Variants in TENM3 observed in about 807,000 individuals in gnomAD.
TENM3 encodes teneurin transmembrane protein 3, also known as teneurin-3.
Under a neutral mutation model 255.1 loss-of-function variants are expected in TENM3, and 63 were observed. The observed-to-expected ratio is 0.25, with a 90% confidence interval of 0.20 to 0.30. The LOEUF is 0.30. Ranked by LOEUF, TENM3 falls within the 10% of genes least tolerant of loss-of-function variation. The pLI is 1.00. For synonymous variants in TENM3, 1,306 were observed against 1,322.3 expected (o/e 0.99, Z 0.27); for missense variants, 2,929 against 3,461.1 (o/e 0.85, Z 3.86).
At chr4:182,767,185 AACC>A (rs1763787541) in intron 22 of TENM3, among the ~76,000 whole-genome samples, 1 of 152,174 alleles carries the variant, frequency 6.6e-6, no homozygotes, top group African/African-American at 2.4e-5. Context: ...AAAATACATA[AACC>A]ATAGGTTCCT....
chr4:182,188,754 A>C (rs1753326935), intron 1 of TENM3, among the ~76,000 whole-genome samples: 1 of 152,136 alleles, frequency 6.6e-6, no homozygotes, highest in Non-Finnish European at 1.5e-5. Context: ...TGAGTCCTCT[A>C]CTCACTAGAG....
the TENM3 span, among the ~76,000 whole-genome samples, chr4:181,873,404 A>T: frequency 6.6e-6 from 1 of 152,102 alleles, no homozygotes; most frequent in African/African-American, 2.4e-5. Context: ...ATTTTCCTTG[A>T]ATCTCTGCTT....
intron 3 of TENM3, among the ~76,000 whole-genome samples, chr4:182,359,932 G>A (rs1221844939): frequency 7.3e-5 from 11 of 151,062 alleles, no homozygotes; most frequent in South Asian, 4.3e-4. Context: ...CTTTGTTCTC[G>A]TTGGTTTCAA....
the TENM3 span, among the ~76,000 whole-genome samples, chr4:181,755,731 T>C: frequency 1.3e-5 from 2 of 152,068 alleles, no homozygotes; most frequent in East Asian, 1.9e-4. Flanking sequence ...GTAATGCTGC[T>C]CTCCTGCCTT....
At chr4:182,614,333 C>T (rs1310402744) in intron 4 of TENM3, among the ~76,000 whole-genome samples, 1 of 151,976 alleles carries the variant, frequency 6.6e-6, no homozygotes, top group Non-Finnish European at 1.5e-5. Context: ...AAGAATCAAT[C>T]CATTTTGAAC....
intron 3 of TENM3, among the ~76,000 whole-genome samples, chr4:182,472,720 T>C (rs1055898294): frequency 7.4e-6 from 1 of 135,222 alleles, no homozygotes; most frequent in Non-Finnish European, 1.6e-5. Flanking sequence ...TAAATTGTTA[T>C]ATCACAATTT....
chr4:181,453,537 G>C, the TENM3 span, among the ~76,000 whole-genome samples: 1 of 149,458 alleles, frequency 6.7e-6, no homozygotes, highest in African/African-American at 2.4e-5. Flanking sequence ...AACTCTTAAC[G>C]AAGAGTCATG....
chr4:181,707,186 G>T, the TENM3 span, among the ~76,000 whole-genome samples: 5 of 152,162 alleles, frequency 3.3e-5, no homozygotes, highest in Admixed American at 2.0e-4. Context: ...CCAAAATCAG[G>T]TTACCTGGAA....
the TENM3 span, among the ~76,000 whole-genome samples, chr4:182,065,371 G>T: frequency 1.3e-5 from 2 of 152,158 alleles, 1 homozygote; most frequent in South Asian, 4.1e-4. Flanking sequence ...GGTTTAATTG[G>T]ATCACCGTTG....
chr4:181,512,338 T>C, the TENM3 span, among the ~76,000 whole-genome samples: 1 of 152,212 alleles, frequency 6.6e-6, no homozygotes, highest in South Asian at 2.1e-4. Flanking sequence ...TTCTCTATAT[T>C]CCCAAAGCAT....
the TENM3 span, among the ~76,000 whole-genome samples, chr4:181,507,337 G>A: frequency 1.5e-4 from 23 of 152,274 alleles, no homozygotes; most frequent in African/African-American, 5.5e-4. Context: ...TTAAACAGTA[G>A]ACAAGTCACA....
At chr4:181,566,400 T>C in the TENM3 span, among the ~76,000 whole-genome samples, 6 of 152,076 alleles carry the variant, frequency 3.9e-5, no homozygotes, top group Non-Finnish European at 8.8e-5. Context: ...TTTGGAAAAA[T>C]AAAAATCTTT....
At chr4:181,522,606 G>C in the TENM3 span, 2 of 480,690 alleles carry the variant, frequency 4.2e-6, no homozygotes, top group South Asian at 2.1e-5. Flanking sequence ...GACAAATCCA[G>C]CATCTATTCT....
At chr4:181,481,793 T>C in the TENM3 span, among the ~76,000 whole-genome samples, 1 of 152,178 alleles carries the variant, frequency 6.6e-6, no homozygotes, top group Non-Finnish European at 1.5e-5. Flanking sequence ...GAGAGATACG[T>C]ATTCTATGTG....
chr4:182,634,475 A>C (rs1581168636), intron 5 of TENM3, among the ~76,000 whole-genome samples: 1 of 152,156 alleles, frequency 6.6e-6, no homozygotes, highest in African/African-American at 2.4e-5. Flanking sequence ...ACTTTCTTTC[A>C]TTGGAGTCAT....
chr4:181,556,900 G>A, the TENM3 span, among the ~76,000 whole-genome samples: 5 of 152,146 alleles, frequency 3.3e-5, no homozygotes, highest in African/African-American at 7.2e-5. Context: ...AAAACGTAAC[G>A]GTTTTGACCC....
chr4:181,812,382 T>G, the TENM3 span, among the ~76,000 whole-genome samples: 1 of 152,186 alleles, frequency 6.6e-6, no homozygotes, highest in East Asian at 1.9e-4. Context: ...GCTTTTAACT[T>G]TAGAAAAAAA....
the TENM3 span, among the ~76,000 whole-genome samples, chr4:181,653,679 G>A: frequency 0.17 from 25,582 of 150,002 alleles, 2,605 homozygotes; most frequent in Non-Finnish European, 0.23. Flanking sequence ...GATTACAGGC[G>A]TGCATGAGCC....
intron 3 of TENM3, among the ~76,000 whole-genome samples, chr4:182,529,665 A>C (rs1020020967): frequency 1.3e-5 from 2 of 152,084 alleles, no homozygotes; most frequent in African/African-American, 2.4e-5. Context: ...TTTCCTATCC[A>C]TCTATTCCTT....
Sources: allele counts gnomAD v4.1 joint callset (sites outside exome capture counted in the v4.1 genomes callset), GRCh38; gene constraint gnomAD v4.1.1; transcripts MANE v1.5; gene names NCBI Gene and HGNC (gene_info 2026-07-23, HGNC 2026-07-21).